FAT3: variants seen among roughly 807,000 people sequenced by gnomAD.
FAT3 encodes the protein protocadherin Fat 3.
In FAT3, 95 loss-of-function variants were observed where a neutral mutation model predicts 310.2. The observed-to-expected ratio is 0.31, with a 90% CI of 0.26 to 0.36. The LOEUF is 0.36. Ranked by LOEUF, FAT3 falls within the 10% of genes least tolerant of loss-of-function variation. The pLI, the probability that FAT3 is intolerant of heterozygous loss-of-function variation, is 1.00. For synonymous variants in FAT3, 2,314 were observed against 2,192.9 expected, an observed-to-expected ratio of 1.06 and a Z score of -1.54; for missense variants, 5,408 against 5,715.6, an observed-to-expected ratio of 0.95 and a Z score of 1.74.
chr11:92,603,920 A>G (rs906180751), intron 3 of FAT3, among the ~76,000 whole-genome samples: 1 of 152,190 alleles, frequency 6.6e-6, no homozygotes, highest in East Asian at 1.9e-4. Flanking sequence ...ACTGGGATAC[A>G]TATTTTATCT....
In FAT3 at chr11:92,890,696, G is replaced by GCCT. The variant is rs1320776991; in HGVS notation, c.13361_13363dup (p.Pro4454dup). 5.6e-6 allele frequency: 9 copies of GCCT among 1,613,572 alleles called. No individual in the cohort carries two copies. The East Asian group carries it at 2.0e-4, about 36-fold the overall frequency. On this transcript the variant is annotated inframe_insertion, in exon 28 of 28. Coordinates refer to ENST00000525166, the MANE Select transcript of FAT3 (RefSeq NM_001367949.2). ...AGGAGTTCTTGAGTCAGGACCAGCT[G>GCCT]CCTCCTCCTCTCCCGGAGGACTTCC...
At position 92,813,686 on chromosome 11, in the gene FAT3, ATTGGTCTTATT is replaced by A. The variant is rs139966207; in HGVS notation, c.9481+3613_9481+3623del. On this transcript the variant is annotated intron_variant, in intron 13 of 27. Transcript: ENST00000525166. ...ATTATATAGTTTGTAACCTTTTGAG[ATTGGTCTTATT>A]TTTTCACTCAGCATAATTCTCTTAA... 0.01 allele frequency among the ~76,000 whole-genome samples: 1,589 copies of A among 152,194 alleles called. 105 individuals are homozygous for A. In the East Asian group the frequency reaches 0.2, roughly 19 times the overall value.
At chr11:92,444,418 G>A (rs988825734) in intron 2 of FAT3, among the ~76,000 whole-genome samples, 1 of 152,128 alleles carries the variant, frequency 6.6e-6, no homozygotes, top group African/African-American at 2.4e-5. Flanking sequence ...CTCAACAAAT[G>A]TGCAAGTGCT....
intron 3 of FAT3, among the ~76,000 whole-genome samples, chr11:92,567,262 G>T (rs1044755992): frequency 1.6e-5 from 2 of 126,836 alleles, no homozygotes; most frequent in African/African-American, 6.2e-5. Context: ...AGACATTTAT[G>T]CAGCCAAAAA....
chr11:92,880,693 G>T (rs781564209), intron 22 of FAT3, 38 bp from the exon 23 acceptor site: 2 of 1,598,074 alleles, frequency 1.3e-6, no homozygotes, highest in Non-Finnish European at 1.7e-6. Context: ...AGCCCTAGCA[G>T]TGGCATCCAT....
intron 24 of FAT3, among the ~76,000 whole-genome samples, chr11:92,885,679 T>TA (rs1456930459): frequency 1.3e-5 from 2 of 152,088 alleles, no homozygotes; most frequent in Non-Finnish European, 2.9e-5. Flanking sequence ...TATTTAGCAA[T>TA]AAAAAAGGGG....
intron 3 of FAT3, among the ~76,000 whole-genome samples, chr11:92,594,919 TTAAAA>T (rs1481854367): frequency 2.0e-5 from 3 of 152,146 alleles, no homozygotes; most frequent in Non-Finnish European, 2.9e-5. Flanking sequence ...TATGGTTAGC[TTAAAA>T]TAAAGTATTA....
intron 22 of FAT3, among the ~76,000 whole-genome samples, chr11:92,874,227 C>G (rs1397758708): frequency 6.6e-6 from 1 of 152,172 alleles, no homozygotes; most frequent in African/African-American, 2.4e-5. Flanking sequence ...ATCAAAAAAT[C>G]CCTAGATATC....
chr11:92,389,669 A>G (rs369435700), intron 2 of FAT3, among the ~76,000 whole-genome samples: 23 of 152,314 alleles, frequency 1.5e-4, no homozygotes, highest in Middle Eastern at 3.4e-3. Context: ...GCACTTTACA[A>G]TAATCTTCAC....
At chr11:92,339,518 A>G (rs1474410000) in intron 1 of FAT3, among the ~76,000 whole-genome samples, 1 of 152,254 alleles carries the variant, frequency 6.6e-6, no homozygotes, top group Non-Finnish European at 1.5e-5. Flanking sequence ...AGTAACAGAT[A>G]TTAGTCAAAT....
chr11:92,831,666 G>T lies in FAT3; in HGVS notation c.9526G>T (p.Gly3176Trp). 1.9e-6 allele frequency: 3 copies of T among 1,613,268 alleles called. No individual in the cohort carries two copies. The highest frequency in any genetic ancestry group is 2.5e-6 in the Non-Finnish European group (3 of 1,179,728). The change falls in exon 14 of 28, where the codon GGG becomes TGG. Residue 3176 changes from glycine to tryptophan, a missense_variant. Transcript: ENST00000525166. ...VVYSLADSAG[G>W]VFSIDSSSGI... Reference sequence around the variant, plus strand: ...GTACTCCCTGGCAGACTCAGCTGGTGGGGTCTTCTCCATTGACAGCTCATC... The same window carrying T: ...GTACTCCCTGGCAGACTCAGCTGGTTGGGTCTTCTCCATTGACAGCTCATC...
At chr11:92,890,385 T>C (rs1030785323) in intron 27 of FAT3, 106 bp from the exon 28 acceptor site, 70 of 1,347,594 alleles carry the variant, frequency 5.2e-5, no homozygotes, top group Non-Finnish European at 6.7e-5. Flanking sequence ...TCTTAGGGTT[T>C]CTTGGATGCT....
At chr11:92,826,608 C>A (rs1200056253) in intron 13 of FAT3, among the ~76,000 whole-genome samples, 1 of 152,092 alleles carries the variant, frequency 6.6e-6, no homozygotes, top group East Asian at 1.9e-4. Context: ...ATTATGACAC[C>A]TCAATAAAGT....
At chr11:92,843,698 G>A (rs900165853) in intron 18 of FAT3, among the ~76,000 whole-genome samples, 11 of 152,062 alleles carry the variant, frequency 7.2e-5, no homozygotes, top group Non-Finnish European at 1.2e-4. Context: ...CACCCCAGCC[G>A]GCTTTATTGT....
intron 13 of FAT3, among the ~76,000 whole-genome samples, chr11:92,830,893 C>T (rs1591790517): frequency 6.6e-6 from 1 of 152,172 alleles, no homozygotes. Context: ...CTTCATTTCT[C>T]ACCACCTGGG....
At chr11:92,805,443 C>T in intron 11 of FAT3, 94 bp downstream of exon 11, 3 of 1,298,868 alleles carry the variant, frequency 2.3e-6, no homozygotes, top group Non-Finnish European at 3.1e-6. Flanking sequence ...AGGCAAACTT[C>T]TGCTCTTATC....
intron 3 of FAT3, among the ~76,000 whole-genome samples, chr11:92,528,941 T>A (rs1179971769): frequency 6.6e-6 from 1 of 152,216 alleles, no homozygotes; most frequent in Non-Finnish European, 1.5e-5. Context: ...ACACTGCTCC[T>A]GGACCCCACT....
chr11:92,453,283 A>T (rs1195764796), intron 2 of FAT3, among the ~76,000 whole-genome samples: 1 of 152,196 alleles, frequency 6.6e-6, no homozygotes, highest in Middle Eastern at 3.2e-3. Flanking sequence ...ATTCACCAGT[A>T]AAACCAAATG....
At chr11:92,589,727 C>G (rs187445644) in intron 3 of FAT3, among the ~76,000 whole-genome samples, 13 of 152,164 alleles carry the variant, frequency 8.5e-5, no homozygotes, top group Admixed American at 7.2e-4. Flanking sequence ...AGCATTCTTT[C>G]CCTTCAGATC....
Sources: gnomAD v4.1 joint callset for allele counts (sites outside exome capture counted in the v4.1 genomes callset) on GRCh38, gnomAD v4.1.1 for gene constraint, MANE v1.5 for transcripts, NCBI Gene and HGNC (gene_info 2026-07-23, HGNC 2026-07-21) for gene names.